OTOGL: variants seen among roughly 807,000 people sequenced by gnomAD.
OTOGL encodes the protein otogelin-like protein.
In OTOGL, 285 loss-of-function variants were observed where a neutral mutation model predicts 318.5. The observed-to-expected ratio is 0.89, with a 90% CI of 0.81 to 0.99. The LOEUF is 0.99. OTOGL is among the 50% of genes least tolerant of loss of function. The pLI, the probability that OTOGL is intolerant of heterozygous loss-of-function variation, is 0.00. For missense variants in OTOGL, 2,899 were observed against 2,845.6 expected, an observed-to-expected ratio of 1.02 and a Z score of -0.43; for synonymous variants, 987 against 936.5, an observed-to-expected ratio of 1.05 and a Z score of -0.99.
chr12:80,339,417 A>C (rs1888632195), intron 43 of OTOGL, among the ~76,000 whole-genome samples, 153 bp downstream of exon 43: 1 of 148,806 alleles, frequency 6.7e-6, no homozygotes, highest in African/African-American at 2.5e-5. Context: ...TACGGAAGGA[A>C]GCAATGATTT....
chr12:80,145,457 G>T (rs1169487022), intron 1 of OTOGL, among the ~76,000 whole-genome samples: 1 of 151,996 alleles, frequency 6.6e-6, no homozygotes, highest in Non-Finnish European at 1.5e-5. Context: ...TTTGGTTACT[G>T]TAGCCTTCTA....
intron 27 of OTOGL, among the ~76,000 whole-genome samples, chr12:80,300,217 T>TA (rs1451403284): frequency 1.3e-5 from 2 of 151,518 alleles, no homozygotes; most frequent in Non-Finnish European, 1.5e-5. Flanking sequence ...TTTTTTTTTT[T>TA]AATCATCATT....
intron 1 of OTOGL, among the ~76,000 whole-genome samples, chr12:80,100,031 C>T (rs1199258847): frequency 6.6e-6 from 1 of 152,162 alleles, no homozygotes; most frequent in Admixed American, 6.5e-5. Context: ...CAATTACACA[C>T]ATGGCTCCTG....
At chr12:80,185,006 C>T (rs1997402) in intron 1 of OTOGL, among the ~76,000 whole-genome samples, 128,372 of 152,146 alleles carry the variant, frequency 0.84, 55,011 homozygotes, top group East Asian at 1. Flanking sequence ...TTTAGAAAAA[C>T]GAAGTAGTAT....
intron 19 of OTOGL, 120 bp downstream of exon 19, chr12:80,262,213 A>G (rs982285098): frequency 6.7e-6 from 7 of 1,042,190 alleles, no homozygotes; most frequent in African/African-American, 6.6e-5. Flanking sequence ...GGTAAAATCA[A>G]TGCCATTCCT....
At chr12:80,138,084 G>C (rs1871692246) in intron 1 of OTOGL, among the ~76,000 whole-genome samples, 1 of 152,132 alleles carries the variant, frequency 6.6e-6, no homozygotes, top group Admixed American at 6.5e-5. Flanking sequence ...AATTAAGTTA[G>C]ATGTCTTTTT....
chr12:80,269,834 A>G (rs1431354264), intron 22 of OTOGL, among the ~76,000 whole-genome samples: 1 of 152,144 alleles, frequency 6.6e-6, no homozygotes, highest in Admixed American at 6.6e-5. Context: ...GAGACAAATT[A>G]TGGTAAGAAC....
intron 57 of OTOGL, 89 bp downstream of exon 57, chr12:80,372,153 C>T (rs10862100): frequency 1.2e-6 from 1 of 864,696 alleles, no homozygotes; most frequent in South Asian, 2.9e-5. Flanking sequence ...AATTCAATTC[C>T]TATGATGCAA....
chr12:80,128,200 A>T (rs1189676363), intron 1 of OTOGL, among the ~76,000 whole-genome samples: 1 of 151,962 alleles, frequency 6.6e-6, no homozygotes, highest in African/African-American at 2.4e-5. Flanking sequence ...GATGATGGTG[A>T]TGTACAGATG....
chr12:80,323,918 T>A, intron 35 of OTOGL, 78 bp downstream of exon 35: 2 of 1,108,330 alleles, frequency 1.8e-6, no homozygotes, highest in Non-Finnish European at 1.3e-6. Context: ...TTCAAGATTT[T>A]AAAAACAGCC....
intron 1 of OTOGL, among the ~76,000 whole-genome samples, chr12:80,166,502 T>C (rs1873840758): frequency 6.6e-6 from 1 of 152,180 alleles, no homozygotes; most frequent in Admixed American, 6.6e-5. Flanking sequence ...TTCACGTGAA[T>C]GAATAAATGT....
At chr12:80,201,110 C>T (rs537995614) in intron 1 of OTOGL, among the ~76,000 whole-genome samples, 2 of 152,176 alleles carry the variant, frequency 1.3e-5, no homozygotes, top group Non-Finnish European at 2.9e-5. Context: ...TAGGCATAAC[C>T]TATGGAGGCA....
intron 1 of OTOGL, among the ~76,000 whole-genome samples, chr12:80,106,240 T>C (rs10732673): frequency 6.6e-6 from 1 of 151,964 alleles, no homozygotes; most frequent in South Asian, 2.1e-4. Context: ...TTATCTTCTC[T>C]TGAAATCATT....
chr12:80,343,045 C>A lies in OTOGL; in HGVS notation c.5265+883C>A, dbSNP rs140294562. Among the ~76,000 whole-genome samples, 78 of 152,192 alleles carry A rather than the reference C, an allele frequency of 5.1e-4. 2 individuals are homozygous for A. The East Asian group carries it at 0.015, about 28-fold the overall frequency. Reference sequence around the variant, plus strand: ...TGCAGGTGCCGGCGACCACGCCCAGCTGATATTTTTAGTACAGGCGGGATT... The same window carrying A: ...TGCAGGTGCCGGCGACCACGCCCAGATGATATTTTTAGTACAGGCGGGATT... On this transcript the variant is annotated intron_variant, in intron 44 of 58. Transcript: ENST00000547103.
chr12:80,319,003 T>C (rs1002589511), intron 33 of OTOGL, among the ~76,000 whole-genome samples: 2 of 152,184 alleles, frequency 1.3e-5, no homozygotes, highest in Non-Finnish European at 2.9e-5. Flanking sequence ...AGAACTTAAT[T>C]TGATGTTTTT....
In OTOGL at chr12:80,372,061, A is replaced by T; in HGVS notation, c.6778A>T (p.Ile2260Phe). 1 of 1,550,202 alleles carries T rather than the reference A, an allele frequency of 6.5e-7. No individual in the cohort carries two copies. Among genetic ancestry groups the T allele is most frequent in the Non-Finnish European group, 8.7e-7 (1 of 1,146,004 alleles). ...VKLYNEGCCK[I>F]CKREERICQK... ...GCTTTATAATGAAGGCTGTTGCAAG[A>T]TCTGTAAGTGAGAGCATATTCCATG... Residue 2260 changes from isoleucine (I) to phenylalanine (F), a missense_variant, in exon 57 of 59, where the codon ATC becomes TTC. This residue lies in a region of OTOGL where 289 missense variants were observed against 304.6 expected (regional missense o/e 0.95). Transcript: ENST00000547103.
At chr12:80,211,501 T>C (rs972901893) in intron 3 of OTOGL, among the ~76,000 whole-genome samples, 3 of 152,138 alleles carry the variant, frequency 2.0e-5, no homozygotes, top group African/African-American at 7.2e-5. Flanking sequence ...AATTGCAATT[T>C]GATGTTTTTA....
chr12:80,367,752 T>A lies in OTOGL; in HGVS notation c.6510+13T>A. 1 of 1,354,896 alleles carries A rather than the reference T, an allele frequency of 7.4e-7. No individual in the cohort carries two copies. The highest frequency in any genetic ancestry group is 9.7e-7 in the Non-Finnish European group (1 of 1,033,108). 83.9% of individuals were successfully genotyped at this position (1,354,896 alleles called of 1,614,324 possible). A position where few individuals can be genotyped will look rare whatever the true frequency, so the allele number is the denominator to read the frequency against. On this transcript the variant is annotated intron_variant, in intron 54 of 58. Transcript: ENST00000547103. ...AAAATGTGATGTTGTAAGTATTCCTTGTAATTTATTCTGGTGAGAGTTAAT... is the reference window on the plus strand; with the variant it reads ...AAAATGTGATGTTGTAAGTATTCCTAGTAATTTATTCTGGTGAGAGTTAAT...
intron 18 of OTOGL, among the ~76,000 whole-genome samples, chr12:80,258,439 A>G (rs1236681498): frequency 1.3e-5 from 2 of 152,270 alleles, no homozygotes; most frequent in South Asian, 2.1e-4. Context: ...CTCTATAAAT[A>G]TTGATATCAT....
Sources: gnomAD v4.1 joint callset for allele counts (sites outside exome capture counted in the v4.1 genomes callset) on GRCh38, gnomAD v4.1.1 for gene constraint, gnomAD v4.1.1 regional missense constraint, MANE v1.5 for transcripts, NCBI Gene and HGNC (gene_info 2026-07-23, HGNC 2026-07-21) for gene names.